DYNC2H1: variants seen among roughly 807,000 people sequenced by gnomAD.
DYNC2H1 encodes cytoplasmic dynein 2 heavy chain 1.
A neutral mutation model predicts 570.0 loss-of-function variants in DYNC2H1; 410 were observed. The ratio of observed to expected loss-of-function variants is 0.72; its 90% CI spans 0.66 to 0.78. The LOEUF (loss-of-function observed/expected upper bound fraction) is 0.78, where lower values mean the gene tolerates loss of function less well. Ranked by LOEUF, DYNC2H1 falls within the 30% of genes least tolerant of loss-of-function variation. The probability of loss-of-function intolerance (pLI) is 0.00; values close to 1 mark genes in which losing one functional copy is unlikely to be tolerated. For missense variants in DYNC2H1, 4,865 were observed against 5,046.4 expected (o/e 0.96, Z 1.09); for synonymous variants, 1,688 against 1,677.6 (o/e 1.01, Z -0.15).
chr11:103,200,141 C>T lies in DYNC2H1; in HGVS notation c.8184C>T (p.Ser2728=). ...CTACATTTTTGGAGATGATCAATAG[C>T]CTTTTGTCTTCAGGCAAGTGAACAG... ...VHPTFLEMIN[S]LLSSGEVPGL... is the part of the protein sequence containing the mutation. Residue 2728 remains serine, a synonymous_variant, in exon 50 of 89, where the codon AGC becomes AGT. Coordinates refer to ENST00000375735, the MANE Select transcript of DYNC2H1 (RefSeq NM_001377.3). 1.3e-6 allele frequency: 2 copies of T among 1,567,978 alleles called. No homozygotes were observed. Among genetic ancestry groups the T allele is most frequent in the Non-Finnish European group, 8.7e-7 (1 of 1,154,900 alleles).
intron 87 of DYNC2H1, among the ~76,000 whole-genome samples, chr11:103,463,811 A>T (rs1041270935): frequency 6.6e-6 from 1 of 152,210 alleles, no homozygotes; most frequent in Non-Finnish European, 1.5e-5. Flanking sequence ...TTATGGCATT[A>T]TAGAAATCTG....
chr11:103,123,068 A>G, intron 11 of DYNC2H1, 68 bp downstream of exon 11: 1 of 1,200,380 alleles, frequency 8.3e-7, no homozygotes, highest in Non-Finnish European at 1.1e-6. Context: ...CCCAGAGGGA[A>G]TTAATTATCT....
intron 31 of DYNC2H1, among the ~76,000 whole-genome samples, chr11:103,166,990 C>CTTTTTTTTTTTTTTTTTTTTTTTTTTTT: frequency 1.8e-5 from 1 of 56,992 alleles, no homozygotes; most frequent in Non-Finnish European, 3.0e-5. Flanking sequence ...GAGGCGCTGC[C>CTTTTTTTTTTTTTTTTTTTTTTTTTTTT]TTTTTTTTTT....
rs753910176 is a variant in DYNC2H1, at chr11:103,456,283, G to C, written c.12575G>C (p.Gly4192Ala). The C allele has an allele frequency of 1.9e-6, 3 of 1,608,362 alleles. No individual in the cohort carries two copies. The highest frequency in any genetic ancestry group is 2.5e-6 in the Non-Finnish European group (3 of 1,176,848). Residue 4192 changes from glycine to alanine, a missense_variant, in exon 87 of 89, where the codon GGT (glycine) becomes GCT (alanine). This residue lies in a region of DYNC2H1 where 2,401 missense variants were observed against 2,454.6 expected (regional missense o/e 0.98). Transcript: ENST00000375735. Reference protein sequence around the residue: ...ALRQETARAVGRSVDSLKFVA... With the variant: ...ALRQETARAVARSVDSLKFVA... Reference sequence around the variant, plus strand: ...ATGCTTTACCTTTACAGGGCAGTGGGTCGTTCTGTGGATAGCCTTAAATTT... The same window carrying C: ...ATGCTTTACCTTTACAGGGCAGTGGCTCGTTCTGTGGATAGCCTTAAATTT...
chr11:103,320,506 C>T (rs888415731), intron 80 of DYNC2H1, among the ~76,000 whole-genome samples: 10 of 152,106 alleles, frequency 6.6e-5, no homozygotes, highest in African/African-American at 2.4e-4. Context: ...AAAATCATGA[C>T]GTTTAGAAGA....
chr11:103,464,931 A>G (rs1183265628), intron 87 of DYNC2H1, among the ~76,000 whole-genome samples: 1 of 152,246 alleles, frequency 6.6e-6, no homozygotes, highest in African/African-American at 2.4e-5. Flanking sequence ...TAGCTTAAAT[A>G]TTGACTGTAA....
chr11:103,412,458 A>G (rs1943127170), intron 84 of DYNC2H1, among the ~76,000 whole-genome samples: 2 of 152,236 alleles, frequency 1.3e-5, no homozygotes, highest in Non-Finnish European at 2.9e-5. Context: ...AGCAAAAATT[A>G]CAAAGGTGCA....
rs1234236784 is a variant in DYNC2H1, at chr11:103,233,326, G to T, written c.9441-708G>T. ...TTTTTTGATGCTTGGCACCACCCTG[G>T]GCATATTATAAACACTTACACATAT... is the stretch of plus-strand genomic sequence containing the variant. On this transcript the variant is annotated intron_variant, in intron 60 of 88. Transcript: ENST00000375735. 2.0e-5 allele frequency among the ~76,000 whole-genome samples: 3 copies of T among 150,204 alleles called. No individual in the cohort carries two copies. The East Asian group carries it at 5.8e-4, about 29-fold the overall frequency.
intron 83 of DYNC2H1, among the ~76,000 whole-genome samples, chr11:103,379,102 C>T (rs1426908439): frequency 6.6e-6 from 1 of 152,080 alleles, no homozygotes; most frequent in Non-Finnish European, 1.5e-5. Flanking sequence ...TTTTTTAGCT[C>T]TGAAATAGTG....
intron 85 of DYNC2H1, among the ~76,000 whole-genome samples, chr11:103,441,349 C>G (rs1033403688): frequency 6.7e-6 from 1 of 149,916 alleles, no homozygotes; most frequent in African/African-American, 2.5e-5. Context: ...TCGAATGTAA[C>G]CCCCGCACTC....
intron 83 of DYNC2H1, among the ~76,000 whole-genome samples, chr11:103,358,925 T>C (rs191389265): frequency 6.6e-6 from 1 of 152,342 alleles, no homozygotes; most frequent in Admixed American, 6.5e-5. Flanking sequence ...AGTTCACCTC[T>C]TACTAAACAG....
In DYNC2H1 at chr11:103,200,081, A is replaced by C. The variant is rs1242035303; in HGVS notation, c.8124A>C (p.Val2708=). ...TTGCAGGAATTGAAGCACAACAGGT[A>C]GTTTTACTTCTTGAGGATTACCAGT... ...LQLAGIEAQQ[V]VLLLEDYQFV... Residue 2708 remains valine, a synonymous_variant, in exon 50 of 89, where the codon GTA becomes GTC. Coordinates refer to ENST00000375735, the MANE Select transcript of DYNC2H1 (RefSeq NM_001377.3). 1 of 1,590,292 alleles carries C rather than the reference A, an allele frequency of 6.3e-7. No homozygotes were observed. Among genetic ancestry groups the C allele is most frequent in the Admixed American group, 1.7e-5 (1 of 57,780 alleles).
rs578105376 is a variant in DYNC2H1 at position 103,201,492 on chromosome 11, AAAC to A, written c.8197+1357_8197+1359del. Among the ~76,000 whole-genome samples the A allele has an allele frequency of 5.3e-5, 8 of 152,096 alleles. No homozygotes were observed. Among genetic ancestry groups the A allele is most frequent in the East Asian group, 1.9e-4 (1 of 5,196 alleles). Reference sequence around the variant, plus strand: ...ACGTTAGAATCACTAGGATAATTAAAAACAACAACAACAACAACAACTAAAAAC... The same window carrying A: ...ACGTTAGAATCACTAGGATAATTAAAAACAACAACAACAACAACTAAAAAC... On this transcript the variant is annotated intron_variant, in intron 50 of 88. Coordinates refer to ENST00000375735, the MANE Select transcript of DYNC2H1 (RefSeq NM_001377.3). The surrounding 1 kb of genome is among the most constrained non-coding windows in gnomAD (Gnocchi z 4.8).
intron 61 of DYNC2H1, among the ~76,000 whole-genome samples, chr11:103,234,716 C>T (rs910164442): frequency 2.0e-5 from 3 of 151,884 alleles, no homozygotes; most frequent in Non-Finnish European, 4.4e-5. Context: ...ATATCACCTA[C>T]ACCTTCATAA....
At chr11:103,380,325 TG>T (rs1272976775) in intron 83 of DYNC2H1, among the ~76,000 whole-genome samples, 2 of 152,192 alleles carry the variant, frequency 1.3e-5, no homozygotes, top group Non-Finnish European at 2.9e-5. Flanking sequence ...TCCAGTCATT[TG>T]TTTTCTCATT....
rs1862841125 is a variant in DYNC2H1 at position 103,204,373 on chromosome 11, G to T, written c.8312-449G>T. 6.6e-6 allele frequency among the ~76,000 whole-genome samples: 1 copy of T among 152,058 alleles called. No individual in the cohort carries two copies. The highest frequency in any genetic ancestry group is 6.6e-5 in the Admixed American group (1 of 15,262). On this transcript the variant is annotated intron_variant, in intron 51 of 88. Transcript: ENST00000375735. The surrounding 1 kb of genome is among the most constrained non-coding windows in gnomAD (Gnocchi z 4.1). Reference sequence around the variant, plus strand: ...GATGAAAGTATGGTAATGTTCTTTGGAATATTTACCTTGCCTCCTTTGTTT... The same window carrying T: ...GATGAAAGTATGGTAATGTTCTTTGTAATATTTACCTTGCCTCCTTTGTTT...
At chr11:103,167,733 G>A (rs1251660364) in intron 31 of DYNC2H1, among the ~76,000 whole-genome samples, 1 of 152,150 alleles carries the variant, frequency 6.6e-6, no homozygotes, top group Non-Finnish European at 1.5e-5. Flanking sequence ...TGTTATGAGG[G>A]TTTGGGTTTT....
chr11:103,409,616 G>T (rs1793497), intron 84 of DYNC2H1: 77,298 of 152,616 alleles, frequency 0.51, 19,873 homozygotes, highest in African/African-American at 0.6. Context: ...AGTATAAATA[G>T]AAGGCCTTTA....
At chr11:103,393,773 A>G (rs1186294788) in intron 83 of DYNC2H1, among the ~76,000 whole-genome samples, 3 of 152,214 alleles carry the variant, frequency 2.0e-5, no homozygotes, top group Non-Finnish European at 2.9e-5. Flanking sequence ...ATGAACTTAT[A>G]GTTCCATATG....
Sources: gnomAD v4.1 joint callset for allele counts (sites outside exome capture counted in the v4.1 genomes callset) on GRCh38, gnomAD v4.1.1 for gene constraint, gnomAD v4.1.1 regional missense constraint, Gnocchi (gnomAD v3.1) non-coding constraint, MANE v1.5 for transcripts, NCBI Gene and HGNC (gene_info 2026-07-23, HGNC 2026-07-21) for gene names.